CRMP1: variants seen among roughly 807,000 people sequenced by gnomAD.
CRMP1 encodes the protein collapsin response mediator protein 1, also known as dihydropyrimidinase-related protein 1.
CRMP1 carries 19 observed loss-of-function variants against 68.3 expected under a neutral mutation model. The observed-to-expected ratio is 0.28, with a 90% CI of 0.19 to 0.41. CRMP1 has a LOEUF of 0.41. Ranked by LOEUF, CRMP1 falls within the 10% of genes least tolerant of loss-of-function variation. The pLI, the probability that CRMP1 is intolerant of heterozygous loss-of-function variation, is 1.00. For missense variants in CRMP1, 791 were observed against 967.4 expected (o/e 0.82, Z 2.42); for synonymous variants, 439 against 399.6 (o/e 1.10, Z -1.18).
chr4:5,876,293 T>A (rs534973254), intron 1 of CRMP1, among the ~76,000 whole-genome samples: 9 of 152,204 alleles, frequency 5.9e-5, no homozygotes, highest in African/African-American at 1.9e-4. Context: ...CTACTTCCAA[T>A]ACTTAATTCT....
chr4:5,888,281 C>T lies in CRMP1; in HGVS notation c.381+4308G>A. 7.9e-7 allele frequency: 1 copy of T among 1,271,096 alleles called. No homozygotes were observed. Among genetic ancestry groups the T allele is most frequent in the Non-Finnish European group, 1.0e-6 (1 of 1,001,932 alleles). The allele number at this position is 1,271,096 out of a possible 1,614,324, so 78.7% of individuals were successfully genotyped here. A position where few individuals can be genotyped will look rare whatever the true frequency, so the allele number is the denominator to read the frequency against. ...TGGTACGACATGGCCCCCTCTGGCG[C>T]CCTCGGCCCGGCCGCTGACCTGCGG... is the stretch of plus-strand genomic sequence containing the variant. On this transcript the variant is annotated intron_variant, in intron 1 of 13. Transcript: ENST00000324989. The surrounding 1 kb of genome is among the most constrained non-coding windows in gnomAD (Gnocchi z 6.4).
intron 1 of CRMP1, among the ~76,000 whole-genome samples, chr4:5,869,694 A>G (rs1714307434): frequency 6.9e-6 from 1 of 145,008 alleles, no homozygotes; most frequent in African/African-American, 2.5e-5. Context: ...AAAAAAAAAA[A>G]AAAAAAAGAA....
At position 5,828,516 on chromosome 4, in the gene CRMP1, C is replaced by T. The variant is rs148199005; in HGVS notation, c.1776G>A (p.Leu592=). ...FIPRKAFPEH[L]YQRVKIRNKV... ...TATTCCTGATTTTGACGCGCTGGTACAGGTGCTCCGGGAACGCCTTCCGCG... is the reference window on the plus strand; with the variant it reads ...TATTCCTGATTTTGACGCGCTGGTATAGGTGCTCCGGGAACGCCTTCCGCG... The change falls in exon 12 of 14, where the codon CTG becomes CTA. Residue 592 remains leucine (L), a synonymous_variant. Coordinates refer to ENST00000324989, the MANE Select transcript of CRMP1 (RefSeq NM_001014809.3). 18 of 1,614,218 alleles carry T rather than the reference C, an allele frequency of 1.1e-5. No homozygotes were observed. The Admixed American group carries it at 1.5e-4, about 13-fold the overall frequency.
In CRMP1 at chr4:5,875,486, T is replaced by C. The variant is rs187922781; in HGVS notation, c.382-8730A>G. On this transcript the variant is annotated intron_variant, in intron 1 of 13. Coordinates refer to ENST00000324989, the MANE Select transcript of CRMP1 (RefSeq NM_001014809.3). ...CACTGGTTTAGCAACCTTGGCTATCTGAAAAATAGCAGAGAACCAAAGCTG... is the reference window on the plus strand; with the variant it reads ...CACTGGTTTAGCAACCTTGGCTATCCGAAAAATAGCAGAGAACCAAAGCTG... Among the ~76,000 whole-genome samples, 363 of 152,006 alleles carry C rather than the reference T, an allele frequency of 2.4e-3. 1 individual carries two copies. The highest frequency in any genetic ancestry group is 6.8e-3 in the Middle Eastern group (2 of 292).
chr4:5,827,350 G>A (rs1189971130), intron 12 of CRMP1, among the ~76,000 whole-genome samples: 1 of 152,146 alleles, frequency 6.6e-6, no homozygotes, highest in Non-Finnish European at 1.5e-5. Flanking sequence ...GATCTGACTT[G>A]TTTCCACCCC....
rs1040570698 is a variant in CRMP1, at chr4:5,843,717, C to G, written c.964-556G>C. ...TGTACTGCAGAGTTACTACGCTGAT[C>G]AGATGAGCGAGCATACGAAACATGC... is the stretch of plus-strand genomic sequence containing the variant. On this transcript the variant is annotated intron_variant, in intron 6 of 13. Transcript: ENST00000324989. The surrounding 1 kb of genome is among the most constrained non-coding windows in gnomAD (Gnocchi z 4.1). Among the ~76,000 whole-genome samples the G allele has an allele frequency of 4.6e-5, 7 of 152,162 alleles. No homozygotes were observed. Among genetic ancestry groups the G allele is most frequent in the Non-Finnish European group, 1.0e-4 (7 of 68,022 alleles).
intron 1 of CRMP1, among the ~76,000 whole-genome samples, chr4:5,876,633 T>A (rs954876388): frequency 4.6e-5 from 7 of 152,222 alleles, no homozygotes; most frequent in Non-Finnish European, 1.0e-4. Flanking sequence ...AAAGGAAATG[T>A]CAAGGTGGGT....
rs911085387 is a variant in CRMP1 at position 5,843,280 on chromosome 4, G to A, written c.964-119C>T. On this transcript the variant is annotated intron_variant, in intron 6 of 13. Transcript: ENST00000324989. The surrounding 1 kb of genome is among the most constrained non-coding windows in gnomAD (Gnocchi z 4.1). Reference sequence around the variant, plus strand: ...TGGGTCCCAAAGAGGCGAGTGGCTTGCACTAGGTTAACAGTGTGCGGGGTG... The same window carrying A: ...TGGGTCCCAAAGAGGCGAGTGGCTTACACTAGGTTAACAGTGTGCGGGGTG... 2.3e-5 allele frequency: 21 copies of A among 928,996 alleles called. No individual in the cohort carries two copies. Among genetic ancestry groups the A allele is most frequent in the African/African-American group, 1.1e-4 (7 of 61,868 alleles). 57.5% of individuals were successfully genotyped at this position (928,996 alleles called of 1,614,324 possible).
intron 1 of CRMP1, among the ~76,000 whole-genome samples, chr4:5,874,370 C>A (rs565139635): frequency 6.6e-6 from 1 of 152,298 alleles, no homozygotes; most frequent in Non-Finnish European, 1.5e-5. Context: ...TGAAGTGGAT[C>A]TGGAGTCATT....
intron 13 of CRMP1, chr4:5,824,615 C>G: frequency 1.1e-6 from 1 of 950,730 alleles, no homozygotes; most frequent in Non-Finnish European, 1.3e-6. Context: ...GATCCATGAC[C>G]TGAGAATAGT....
At chr4:5,835,682 G>C (rs1477386086) in intron 11 of CRMP1, among the ~76,000 whole-genome samples, 1 of 152,312 alleles carries the variant, frequency 6.6e-6, no homozygotes, top group African/African-American at 2.4e-5. Context: ...AAGAGACAGA[G>C]AGAGAGGAGA....
chr4:5,880,957 C>T (rs1177070632), intron 1 of CRMP1, among the ~76,000 whole-genome samples: 1 of 152,178 alleles, frequency 6.6e-6, no homozygotes, highest in Admixed American at 6.5e-5. Flanking sequence ...TCCCAGTCTT[C>T]CAAGTATCCA....
intron 13 of CRMP1, chr4:5,824,871 C>G (rs1719295471): frequency 1.0e-6 from 1 of 985,398 alleles, no homozygotes; most frequent in Non-Finnish European, 1.2e-6. Flanking sequence ...CACCAAATCA[C>G]AGATACACTG....
intron 11 of CRMP1, among the ~76,000 whole-genome samples, chr4:5,833,269 C>T (rs550921638): frequency 1.0e-5 from 1 of 100,060 alleles, no homozygotes; most frequent in East Asian, 2.5e-4. Flanking sequence ...CGGGTTCACG[C>T]CATTCTCCTG....
chr4:5,880,539 A>G (rs566443000), intron 1 of CRMP1, among the ~76,000 whole-genome samples: 1 of 152,310 alleles, frequency 6.6e-6, no homozygotes, highest in East Asian at 1.9e-4. Context: ...TATTTACTCA[A>G]GGCCCTGGGC....
At position 5,841,446 on chromosome 4, in the gene CRMP1, A is replaced by G. The variant is rs775978344; in HGVS notation, c.1033-18T>C. On this transcript the variant is annotated intron_variant, in intron 7 of 13. Coordinates refer to ENST00000324989, the MANE Select transcript of CRMP1 (RefSeq NM_001014809.3). This position sits in a 1 kb window ranked among gnomAD's most constrained non-coding sequence, Gnocchi z 6.9. ...GCCTCCAGCTGAACACGGCACACAC[A>G]GTGTCACAGGAGGGAAGGCTGGTGT... 1 of 1,613,284 alleles carries G rather than the reference A, an allele frequency of 6.2e-7. No homozygotes were observed. Among genetic ancestry groups the G allele is most frequent in the Non-Finnish European group, 8.5e-7 (1 of 1,179,322 alleles).
rs1169718362 is a variant in CRMP1, at chr4:5,860,080, G to T, written c.655+946C>A. Among the ~76,000 whole-genome samples the T allele has an allele frequency of 6.6e-6, 1 of 152,134 alleles. No homozygotes were observed. The highest frequency in any genetic ancestry group is 1.5e-5 in the Non-Finnish European group (1 of 68,020). ...AGTCCAGTTTCCCAGACCGAGCACT[G>T]CTGGGGAGTGGTCTCACTGCCCGCA... On this transcript the variant is annotated intron_variant, in intron 3 of 13. Coordinates refer to ENST00000324989, the MANE Select transcript of CRMP1 (RefSeq NM_001014809.3). The surrounding 1 kb of genome is among the most constrained non-coding windows in gnomAD (Gnocchi z 4.2).
chr4:5,856,175 C>G lies in CRMP1; in HGVS notation c.788G>C (p.Arg263Pro). ...VDITSWYDGV[R>P]EELEVLVQDK... ...CTGCACCAGCACCTCCAGCTCCTCC[C>G]GAACGCCATCGTACCAGCTTGTGAT... The change falls in exon 4 of 14, where the codon CGG becomes CCG. Residue 263 changes from arginine (R) to proline (P), a missense_variant. By Grantham distance (103) the Arg-to-Pro change is moderately radical. Transcript: ENST00000324989. 1.2e-6 allele frequency: 2 copies of G among 1,613,964 alleles called. No individual in the cohort carries two copies. Among genetic ancestry groups the G allele is most frequent in the Non-Finnish European group, 1.7e-6 (2 of 1,179,904 alleles).
chr4:5,848,902 T>G (rs1712422073), intron 6 of CRMP1, among the ~76,000 whole-genome samples: 1 of 152,210 alleles, frequency 6.6e-6, no homozygotes, highest in African/African-American at 2.4e-5. Context: ...ATTACCTCCC[T>G]AAGGCCTCAC....
Sources: gnomAD v4.1 joint callset for allele counts (sites outside exome capture counted in the v4.1 genomes callset) on GRCh38, gnomAD v4.1.1 for gene constraint, Gnocchi (gnomAD v3.1) non-coding constraint, MANE v1.5 for transcripts, NCBI Gene and HGNC (gene_info 2026-07-23, HGNC 2026-07-21) for gene names.